Variants in CNTNAP2 observed in about 807,000 individuals in gnomAD.
The protein encoded by CNTNAP2 is contactin-associated protein-like 2.
In CNTNAP2, 98 loss-of-function variants were observed where a neutral mutation model predicts 155.2. The observed-to-expected ratio is 0.63, with a 90% CI of 0.54 to 0.75. The LOEUF (loss-of-function observed/expected upper bound fraction) is 0.75. CNTNAP2 is among the 30% of genes least tolerant of loss of function. The pLI is 0.00. For synonymous variants in CNTNAP2, 651 were observed against 631.2 expected, an observed-to-expected ratio of 1.03 and a Z score of -0.47; for missense variants, 1,727 against 1,688.1, an observed-to-expected ratio of 1.02 and a Z score of -0.40.
At chr7:147,883,372 G>A (rs1799554291) in intron 13 of CNTNAP2, among the ~76,000 whole-genome samples, 1 of 152,152 alleles carries the variant, frequency 6.6e-6, no homozygotes, top group East Asian at 1.9e-4. Context: ...TAGATTCAGA[G>A]TAATTAAAAT....
intron 1 of CNTNAP2, among the ~76,000 whole-genome samples, chr7:146,756,040 TATG>T (rs137943359): frequency 0.034 from 5,115 of 151,950 alleles, 222 homozygotes; most frequent in African/African-American, 0.11. Flanking sequence ...AGTTAAATAA[TATG>T]ATATTCTAGA....
chr7:148,100,104 T>C (rs1279485541), intron 15 of CNTNAP2, among the ~76,000 whole-genome samples: 4 of 151,990 alleles, frequency 2.6e-5, no homozygotes, highest in African/African-American at 9.7e-5. Flanking sequence ...ACTCCTTCCC[T>C]CATGATCCAC....
intron 12 of CNTNAP2, among the ~76,000 whole-genome samples, chr7:147,564,634 A>G (rs1386390334): frequency 1.3e-5 from 2 of 152,214 alleles, no homozygotes; most frequent in Non-Finnish European, 2.9e-5. Flanking sequence ...AAACTATAAT[A>G]TACATAATTC....
intron 1 of CNTNAP2, among the ~76,000 whole-genome samples, chr7:146,269,861 A>G (rs1800052232): frequency 6.6e-6 from 1 of 152,234 alleles, no homozygotes; most frequent in South Asian, 2.1e-4. Flanking sequence ...TGAACTGGCC[A>G]ACCATGACAG....
At chr7:146,633,836 A>G (rs1241755887) in intron 1 of CNTNAP2, among the ~76,000 whole-genome samples, 9 of 53,932 alleles carry the variant, frequency 1.7e-4, no homozygotes, top group African/African-American at 4.5e-4. Flanking sequence ...TCTAGAGAAA[A>G]AAAAAAAAAA....
chr7:147,311,960 T>C (rs1007652236), intron 9 of CNTNAP2, among the ~76,000 whole-genome samples: 1 of 152,132 alleles, frequency 6.6e-6, no homozygotes, highest in Non-Finnish European at 1.5e-5. Context: ...TATGTAAATT[T>C]AATTATTAAA....
At chr7:147,043,230 C>CA (rs942260071) in intron 3 of CNTNAP2, among the ~76,000 whole-genome samples, 2 of 150,318 alleles carry the variant, frequency 1.3e-5, no homozygotes, top group Admixed American at 6.6e-5. Flanking sequence ...GTATGCCTCC[C>CA]AAAAAATCCA....
chr7:146,439,172 C>T (rs938212453), intron 1 of CNTNAP2, among the ~76,000 whole-genome samples: 2 of 151,448 alleles, frequency 1.3e-5, no homozygotes, highest in African/African-American at 4.9e-5. Flanking sequence ...GAGAAGGGGA[C>T]TATGTATCCC....
intron 8 of CNTNAP2, among the ~76,000 whole-genome samples, chr7:147,228,643 A>G (rs1803603504): frequency 6.6e-6 from 1 of 152,276 alleles, no homozygotes; most frequent in East Asian, 1.9e-4. Context: ...TTCCATTAGG[A>G]TATGGAACTC....
In CNTNAP2 at chr7:146,891,033, C is replaced by CAT. The variant is rs559617155; in HGVS notation, c.402+51136_402+51137dup. Among the ~76,000 whole-genome samples the CAT allele has an allele frequency of 2.1e-3, 320 of 152,260 alleles. 3 individuals carry two copies. The highest frequency in any genetic ancestry group is 7.0e-3 in the South Asian group (34 of 4,834). ...TTGGATAATGAAAATGTGATACATA[C>CAT]ATATATATCTCATAGAATACTATGC... is the stretch of plus-strand genomic sequence containing the variant. On this transcript the variant is annotated intron_variant, in intron 3 of 23. Coordinates refer to ENST00000361727, the MANE Select transcript of CNTNAP2 (RefSeq NM_014141.6).
At position 146,274,044 on chromosome 7, in the gene CNTNAP2, T is replaced by A. The variant is rs1800126643; in HGVS notation, c.97+157071T>A. 1.3e-5 allele frequency among the ~76,000 whole-genome samples: 2 copies of A among 152,146 alleles called. 1 individual carries two copies. The highest frequency in any genetic ancestry group is 1.3e-4 in the Admixed American group (2 of 15,262). ...ATACATATGTAATAGTTGTAACTAT[T>A]AAGTGAAATAATAATATATGCAAAG... On this transcript the variant is annotated intron_variant, in intron 1 of 23. Coordinates refer to ENST00000361727, the MANE Select transcript of CNTNAP2 (RefSeq NM_014141.6).
chr7:146,430,499 T>C (rs942173855), intron 1 of CNTNAP2, among the ~76,000 whole-genome samples: 18 of 152,022 alleles, frequency 1.2e-4, no homozygotes, highest in Non-Finnish European at 1.9e-4. Flanking sequence ...AATGAATGAA[T>C]AGATAAGCAA....
rs568332672 is a variant in CNTNAP2, at chr7:148,373,175, A to C, written c.3476-10474A>C. ...TAAAAATAAAAAATAAAAAAAAAGT[A>C]GGCCAGGTGCAGTGGCTCACACCTG... On this transcript the variant is annotated intron_variant, in intron 21 of 23. Coordinates refer to ENST00000361727, the MANE Select transcript of CNTNAP2 (RefSeq NM_014141.6). Among the ~76,000 whole-genome samples, 541 of 152,272 alleles carry C rather than the reference A, an allele frequency of 3.6e-3. 4 individuals carry two copies. Among genetic ancestry groups the C allele is most frequent in the African/African-American group, 0.013 (523 of 41,546 alleles).
At chr7:146,336,292 C>T (rs1801273902) in intron 1 of CNTNAP2, among the ~76,000 whole-genome samples, 3 of 151,816 alleles carry the variant, frequency 2.0e-5, no homozygotes, top group African/African-American at 4.8e-5. Flanking sequence ...GATATAGGTC[C>T]CTTTCTTCCA....
intron 1 of CNTNAP2, among the ~76,000 whole-genome samples, chr7:146,173,908 A>G (rs1391263757): frequency 6.6e-6 from 1 of 152,178 alleles, no homozygotes; most frequent in Non-Finnish European, 1.5e-5. Context: ...TATCTCAATC[A>G]AGAATATCGA....
intron 15 of CNTNAP2, among the ~76,000 whole-genome samples, chr7:148,116,783 TG>T (rs1340892566): frequency 1.3e-5 from 2 of 152,214 alleles, no homozygotes; most frequent in Non-Finnish European, 2.9e-5. Context: ...GTGTATAATT[TG>T]CATAAAAGGA....
At chr7:147,368,847 A>G (rs907824421) in intron 9 of CNTNAP2, among the ~76,000 whole-genome samples, 5 of 152,250 alleles carry the variant, frequency 3.3e-5, no homozygotes, top group African/African-American at 1.2e-4. Flanking sequence ...ATTAAAAACA[A>G]TTAATAGATA....
intron 20 of CNTNAP2, among the ~76,000 whole-genome samples, chr7:148,252,741 G>C (rs117200471): frequency 0.02 from 2,974 of 152,106 alleles, 46 homozygotes; most frequent in Middle Eastern, 0.031. Context: ...ACCCCAGGCA[G>C]TGCCAGGATT....
intron 8 of CNTNAP2, among the ~76,000 whole-genome samples, chr7:147,137,283 TA>T (rs1037479757): frequency 6.6e-6 from 1 of 151,208 alleles, no homozygotes; most frequent in Non-Finnish European, 1.5e-5. Flanking sequence ...AAATTTTTAA[TA>T]AAAACTTAAG....
Sources: allele counts gnomAD v4.1 joint callset (sites outside exome capture counted in the v4.1 genomes callset), GRCh38; gene constraint gnomAD v4.1.1; transcripts MANE v1.5; gene names NCBI Gene and HGNC (gene_info 2026-07-23, HGNC 2026-07-21).